Variants in GPR141 observed in about 807,000 individuals in gnomAD.
The protein encoded by GPR141 is probable G protein-coupled receptor 141.
GPR141 carries 6 observed loss-of-function variants against 6.8 expected under a neutral mutation model. The ratio of observed to expected loss-of-function variants is 0.88; its 90% CI spans 0.48 to 1.74. The LOEUF is 1.74. Among genes scored for constraint, GPR141 ranks in the 40% most tolerant of loss-of-function variants. The probability of loss-of-function intolerance (pLI) is 0.01; values close to 1 mark genes in which losing one functional copy is unlikely to be tolerated. For missense variants in GPR141, 372 were observed against 372.9 expected (o/e 1.00, Z 0.02); for synonymous variants, 140 against 142.3 (o/e 0.98, Z 0.11).
chr7:37,710,282 C>T (rs1810730596), intron 2 of GPR141, among the ~76,000 whole-genome samples: 1 of 151,960 alleles, frequency 6.6e-6, no homozygotes, highest in Non-Finnish European at 1.5e-5. Context: ...ATCTGTAGCA[C>T]AGTAGAGAGC....
intron 2 of GPR141, among the ~76,000 whole-genome samples, chr7:37,702,148 C>T (rs1420647145): frequency 6.6e-6 from 1 of 152,014 alleles, no homozygotes; most frequent in African/African-American, 2.4e-5. Flanking sequence ...AAATAATGGC[C>T]TTCTAAGTAA....
chr7:37,729,283 A>G (rs1323044689), intron 2 of GPR141, among the ~76,000 whole-genome samples: 5 of 152,206 alleles, frequency 3.3e-5, no homozygotes, highest in African/African-American at 4.8e-5. Context: ...TGACCTTCCA[A>G]GGTCAATCAC....
At position 37,742,220 on chromosome 7, in the gene GPR141, G is replaced by C. The variant is rs893471966; in HGVS notation, c.*909G>C. ...ACAGAAAGTTATACTGAAATCTTTA[G>C]AGCTCCCTTCCGCCGTTAAAATTAT... is the stretch of plus-strand genomic sequence containing the variant. On this transcript the variant is annotated 3_prime_UTR_variant, in exon 3 of 3. Transcript: ENST00000334425. Among the ~76,000 whole-genome samples, 1 of 151,896 alleles carries C rather than the reference G, an allele frequency of 6.6e-6. No individual in the cohort carries two copies. Among genetic ancestry groups the C allele is most frequent in the Non-Finnish European group, 1.5e-5 (1 of 67,966 alleles).
At chr7:37,719,634 TA>T (rs1434954404) in intron 2 of GPR141, among the ~76,000 whole-genome samples, 1 of 152,242 alleles carries the variant, frequency 6.6e-6, no homozygotes, top group Non-Finnish European at 1.5e-5. Flanking sequence ...TGTAAGGGAC[TA>T]AACTGTCTAA....
Position 37,729,420 on chromosome 7 carries a change from G to T in GPR141, c.-14-10960G>T, listed in dbSNP as rs75263641. 6.3e-3 allele frequency among the ~76,000 whole-genome samples: 965 copies of T among 152,246 alleles called. 4 individuals are homozygous for T. The highest frequency in any genetic ancestry group is 9.7e-3 in the Non-Finnish European group (660 of 68,010). ...TTCTGGGATCCTGATGTCAGTTGTT[G>T]GTCTAGATCCAAATGTGGCCATATC... On this transcript the variant is annotated intron_variant, in intron 2 of 2. Transcript: ENST00000334425.
At chr7:37,696,493 T>G (rs1810021580) in intron 2 of GPR141, among the ~76,000 whole-genome samples, 1 of 152,074 alleles carries the variant, frequency 6.6e-6, no homozygotes, top group Admixed American at 6.6e-5. Flanking sequence ...TCAATTCCCT[T>G]CTTTGGAATG....
chr7:37,693,910 T>TAAAGAC (rs1809898076), intron 2 of GPR141, among the ~76,000 whole-genome samples: 1 of 152,318 alleles, frequency 6.6e-6, no homozygotes, highest in Admixed American at 6.5e-5. Flanking sequence ...TTGAAGTCTG[T>TAAAGAC]AAAGACAAAG....
At chr7:37,726,290 A>G (rs1479133474) in intron 2 of GPR141, among the ~76,000 whole-genome samples, 1 of 152,186 alleles carries the variant, frequency 6.6e-6, no homozygotes, top group Non-Finnish European at 1.5e-5. Flanking sequence ...AGATAAGAAG[A>G]ATGACATCTT....
At chr7:37,706,913 G>A (rs1052169053) in intron 2 of GPR141, among the ~76,000 whole-genome samples, 3 of 152,150 alleles carry the variant, frequency 2.0e-5, no homozygotes, top group African/African-American at 7.2e-5. Flanking sequence ...CCCTTCTTGA[G>A]ATGGTGGCTT....
At chr7:37,706,464 C>T (rs1175841199) in intron 2 of GPR141, among the ~76,000 whole-genome samples, 2 of 152,146 alleles carry the variant, frequency 1.3e-5, no homozygotes, top group Non-Finnish European at 2.9e-5. Context: ...TTTAACACTC[C>T]CAGTGAAGAG....
chr7:37,693,600 G>T lies in GPR141; in HGVS notation c.-15+8017G>T, dbSNP rs1809882290. Among the ~76,000 whole-genome samples the T allele has an allele frequency of 2.0e-5, 3 of 152,122 alleles. No individual in the cohort carries two copies. In the South Asian group the frequency reaches 6.2e-4, roughly 32 times the overall value. On this transcript the variant is annotated intron_variant, in intron 2 of 2. Coordinates refer to ENST00000334425, the MANE Select transcript of GPR141 (RefSeq NM_001381946.1). The stretch of plus-strand genomic sequence containing the variant: ...AGTGGTGAGTCTAGACCCTGGGATG[G>T]TGGGGCTTAGCAGCATCCCAGACTT...
intron 2 of GPR141, among the ~76,000 whole-genome samples, chr7:37,722,923 T>TTTCCTTCCTTCCTTCCTTCC (rs796368390): frequency 3.4e-4 from 38 of 112,238 alleles, no homozygotes; most frequent in South Asian, 6.5e-4. Context: ...TTCTTTTTCC[T>TTTCCTTCCTTCCTTCCTTCC]TTCCTTCCTT....
rs191906896 is a variant in GPR141 at position 37,739,306 on chromosome 7, C to A, written c.-14-1074C>A. Among the ~76,000 whole-genome samples, 23 of 152,272 alleles carry A rather than the reference C, an allele frequency of 1.5e-4. No individual in the cohort carries two copies. In the East Asian group the frequency reaches 4.2e-3, roughly 28 times the overall value. On this transcript the variant is annotated intron_variant, in intron 2 of 2. Transcript: ENST00000334425. ...AGTCTCCCTGGTGTCAGTAGACATA[C>A]CTCTAATAACACAATTGTTCAAGTC...
At chr7:37,689,400 C>T (rs1809657570) in intron 2 of GPR141, among the ~76,000 whole-genome samples, 1 of 151,986 alleles carries the variant, frequency 6.6e-6, no homozygotes, top group Non-Finnish European at 1.5e-5. Context: ...TAATGCTGGC[C>T]TTGTAGAATG....
At chr7:37,738,079 A>C (rs1384378886) in intron 2 of GPR141, among the ~76,000 whole-genome samples, 1 of 152,166 alleles carries the variant, frequency 6.6e-6, no homozygotes, top group Non-Finnish European at 1.5e-5. Flanking sequence ...AGTTTTCGGG[A>C]GTGTATGTGT....
intron 2 of GPR141, among the ~76,000 whole-genome samples, chr7:37,728,646 A>C (rs1811757169): frequency 6.6e-6 from 1 of 152,074 alleles, no homozygotes; most frequent in South Asian, 2.1e-4. Flanking sequence ...ACTGAGACCC[A>C]AGCAAGGTTG....
intron 2 of GPR141, among the ~76,000 whole-genome samples, chr7:37,693,951 G>A (rs1809900435): frequency 6.6e-6 from 1 of 152,212 alleles, no homozygotes; most frequent in Admixed American, 6.5e-5. Flanking sequence ...ACTTCAGCCA[G>A]TCCTGGAAGG....
chr7:37,714,140 C>A (rs775444805), intron 2 of GPR141, among the ~76,000 whole-genome samples: 18 of 151,876 alleles, frequency 1.2e-4, no homozygotes, highest in Admixed American at 3.3e-4. Flanking sequence ...TTAGTGCCAT[C>A]TCTTTTTATT....
At chr7:37,706,640 G>T (rs1441500440) in intron 2 of GPR141, among the ~76,000 whole-genome samples, 2 of 152,090 alleles carry the variant, frequency 1.3e-5, no homozygotes, top group African/African-American at 2.4e-5. Context: ...GGCCACACTT[G>T]GCAGAGGCTC....
Sources: allele counts gnomAD v4.1 joint callset (sites outside exome capture counted in the v4.1 genomes callset), GRCh38; gene constraint gnomAD v4.1.1; transcripts MANE v1.5; gene names NCBI Gene and HGNC (gene_info 2026-07-23, HGNC 2026-07-21).